BRINP3: variants seen among roughly 807,000 people sequenced by gnomAD.
BRINP3 encodes BMP/retinoic acid inducible neural specific 3, also known as BMP/retinoic acid-inducible neural-specific protein 3.
A neutral mutation model predicts 71.0 loss-of-function variants in BRINP3; 19 were observed. The observed-to-expected ratio is 0.27, with a 90% confidence interval of 0.19 to 0.39. BRINP3 has a LOEUF of 0.39. BRINP3 is among the 10% of genes least tolerant of loss of function. BRINP3 has a pLI of 1.00. For missense variants in BRINP3, 959 were observed against 940.8 expected, an observed-to-expected ratio of 1.02 and a Z score of -0.25; for synonymous variants, 380 against 337.7, an observed-to-expected ratio of 1.13 and a Z score of -1.37.
intron 2 of BRINP3, among the ~76,000 whole-genome samples, chr1:190,380,454 C>T (rs1022350960): frequency 3.3e-5 from 5 of 152,062 alleles, no homozygotes; most frequent in African/African-American, 7.2e-5. Context: ...TTGGAATGGA[C>T]GTCTGAAGGG....
chr1:190,342,013 G>GTT (rs34821476), intron 2 of BRINP3, among the ~76,000 whole-genome samples: 5 of 147,574 alleles, frequency 3.4e-5, no homozygotes, highest in African/African-American at 5.0e-5. Context: ...CTATTTCTGT[G>GTT]TTTTTTTTTT....
At chr1:190,203,791 ATATATATATATATATATATAT>A (rs1655242969) in intron 6 of BRINP3, among the ~76,000 whole-genome samples, 2 of 106,892 alleles carry the variant, frequency 1.9e-5, no homozygotes, top group African/African-American at 7.4e-5. Context: ...ATATATATAT[ATATATATATATATATATATAT>A]ATAAATGAAA....
At chr1:190,293,448 AT>A in intron 2 of BRINP3, among the ~76,000 whole-genome samples, 1 of 152,264 alleles carries the variant, frequency 6.6e-6, no homozygotes, top group East Asian at 1.9e-4. Flanking sequence ...CATATCATCT[AT>A]CCTGAAGATA....
intron 2 of BRINP3, among the ~76,000 whole-genome samples, chr1:190,396,064 G>C (rs1431476602): frequency 3.9e-5 from 6 of 151,928 alleles, no homozygotes; most frequent in East Asian, 3.9e-4. Flanking sequence ...TGTGACACAG[G>C]GTTCTGAATA....
At position 190,160,783 on chromosome 1, in the gene BRINP3, G is replaced by T. The variant is rs772838461; in HGVS notation, c.1069C>A (p.Gln357Lys). 6.2e-7 allele frequency: 1 copy of T among 1,613,552 alleles called. No individual in the cohort carries two copies. Among genetic ancestry groups the T allele is most frequent in the Admixed American group, 1.7e-5 (1 of 59,936 alleles). Residue 357 changes from glutamine (Q) to lysine (K), a missense_variant, in exon 7 of 8, where the codon CAA becomes AAA. Coordinates refer to ENST00000367462, the MANE Select transcript of BRINP3 (RefSeq NM_199051.3). ...AGTTGTTTCATGCTGTTCTCCAGTT[G>T]TTCATAACGGCGCTGAAAATTAGAA... ...MDSNFQRRYE[Q>K]LENSMKQLFL...
At chr1:190,128,177 T>A (rs1654242661) in intron 7 of BRINP3, among the ~76,000 whole-genome samples, 1 of 151,826 alleles carries the variant, frequency 6.6e-6, no homozygotes, top group African/African-American at 2.4e-5. Context: ...TTGAACTTCG[T>A]TATTCTTCCT....
At chr1:190,122,643 T>C (rs1653769998) in intron 7 of BRINP3, among the ~76,000 whole-genome samples, 1 of 151,934 alleles carries the variant, frequency 6.6e-6, no homozygotes, top group Non-Finnish European at 1.5e-5. Context: ...GACCAGTTAA[T>C]GGGTGCAGTA....
chr1:190,349,766 G>T (rs1157039560), intron 2 of BRINP3, among the ~76,000 whole-genome samples: 1 of 151,862 alleles, frequency 6.6e-6, no homozygotes, highest in Non-Finnish European at 1.5e-5. Context: ...TTCATGTTTT[G>T]GAAAGCAAAT....
intron 7 of BRINP3, among the ~76,000 whole-genome samples, chr1:190,143,498 T>C (rs556472346): frequency 6.6e-6 from 1 of 152,280 alleles, no homozygotes; most frequent in Non-Finnish European, 1.5e-5. Context: ...GGACCAATAG[T>C]CCTTTGTGGA....
intron 1 of BRINP3, among the ~76,000 whole-genome samples, chr1:190,472,228 G>T (rs944425096): frequency 1.3e-5 from 2 of 151,620 alleles, no homozygotes; most frequent in Non-Finnish European, 3.0e-5. Context: ...AAAAATAAAT[G>T]AAGAGTGGTC....
chr1:190,189,529 A>G lies in BRINP3; in HGVS notation c.962-28639T>C, dbSNP rs532063737. Among the ~76,000 whole-genome samples, 31 of 151,912 alleles carry G rather than the reference A, an allele frequency of 2.0e-4. No individual in the cohort carries two copies. In the South Asian group the frequency reaches 6.0e-3, roughly 30 times the overall value. On this transcript the variant is annotated intron_variant, in intron 6 of 7. Coordinates refer to ENST00000367462, the MANE Select transcript of BRINP3 (RefSeq NM_199051.3). ...ATTTACAATTTTTTCTGCCTGTTCA[A>G]TTCTGCTGTTGATACTTTTTTTCAC...
At chr1:190,396,972 A>C (rs1163252202) in intron 2 of BRINP3, among the ~76,000 whole-genome samples, 1 of 151,684 alleles carries the variant, frequency 6.6e-6, no homozygotes, top group African/African-American at 2.4e-5. Context: ...ATGTCTCTTC[A>C]AGACAAAGGG....
rs561692515 is a variant in BRINP3, at chr1:190,115,276, T to C, written c.1185-16142A>G. ...TTAGAGAAGATTTTCTTAGATATAC[T>C]AAAAACAATTCTCAGCAAAGTAGAA... On this transcript the variant is annotated intron_variant, in intron 7 of 7. Transcript: ENST00000367462. Among the ~76,000 whole-genome samples the C allele has an allele frequency of 1.2e-4, 18 of 152,250 alleles. No homozygotes were observed. The South Asian group carries it at 3.3e-3, about 28-fold the overall frequency.
chr1:190,311,027 G>C (rs1222226107), intron 2 of BRINP3, among the ~76,000 whole-genome samples: 3 of 151,604 alleles, frequency 2.0e-5, no homozygotes, highest in Non-Finnish European at 4.4e-5. Context: ...CTAGAGCCAG[G>C]TTTGAAACCC....
intron 2 of BRINP3, among the ~76,000 whole-genome samples, chr1:190,358,167 A>G (rs146244953): frequency 0.024 from 3,657 of 152,304 alleles, 72 homozygotes; most frequent in South Asian, 0.1. Context: ...AATAGGATCT[A>G]ATTAAACTAA....
intron 2 of BRINP3, among the ~76,000 whole-genome samples, chr1:190,448,752 A>G (rs527294549): frequency 2.0e-5 from 3 of 151,882 alleles, no homozygotes; most frequent in African/African-American, 7.2e-5. Context: ...AAATATTTAC[A>G]CTTATTACAT....
At chr1:190,213,295 A>C (rs370128223) in intron 6 of BRINP3, among the ~76,000 whole-genome samples, 2 of 152,084 alleles carry the variant, frequency 1.3e-5, no homozygotes, top group East Asian at 3.9e-4. Context: ...TCCTGTAGTG[A>C]GAACACATAG....
intron 7 of BRINP3, among the ~76,000 whole-genome samples, chr1:190,140,982 A>T (rs926609290): frequency 1.1e-4 from 17 of 152,166 alleles, no homozygotes; most frequent in Non-Finnish European, 2.5e-4. Context: ...CTTTGATGCT[A>T]ATTCAAATAG....
chr1:190,134,028 A>G (rs972184344), intron 7 of BRINP3, among the ~76,000 whole-genome samples: 6 of 152,166 alleles, frequency 3.9e-5, no homozygotes, highest in African/African-American at 1.4e-4. Context: ...TACAACAGCG[A>G]AAAAGAGAAA....
Sources: gnomAD v4.1 joint callset for allele counts (sites outside exome capture counted in the v4.1 genomes callset) on GRCh38, gnomAD v4.1.1 for gene constraint, MANE v1.5 for transcripts, NCBI Gene and HGNC (gene_info 2026-07-23, HGNC 2026-07-21) for gene names.